The following DEPDC5 variants were observed in gnomAD, a reference collection of about 807,000 sequenced individuals.
DEPDC5 encodes the protein GATOR1 complex protein DEPDC5.
In DEPDC5, 73 loss-of-function variants were observed where a neutral mutation model predicts 217.3. That is an observed-to-expected ratio of 0.34 (90% confidence interval 0.28 to 0.41). The LOEUF (loss-of-function observed/expected upper bound fraction) is 0.41. Among genes scored for constraint, DEPDC5 ranks in the 10% least tolerant of loss-of-function variants. DEPDC5 has a pLI of 1.00. For missense variants in DEPDC5, 1,675 were observed against 2,070.1 expected (o/e 0.81, Z 3.70); for synonymous variants, 733 against 756.7 (o/e 0.97, Z 0.51).
At chr22:31,879,996 C>T in intron 38 of DEPDC5, 1 of 509,780 alleles carries the variant, frequency 2.0e-6, no homozygotes, top group Non-Finnish European at 3.6e-6. Flanking sequence ...AGTGCCAGAC[C>T]TGTTCGGATA....
At chr22:31,841,174 TGAAAG>T (rs2091368995) in intron 27 of DEPDC5, among the ~76,000 whole-genome samples, 1 of 152,216 alleles carries the variant, frequency 6.6e-6, no homozygotes, top group Admixed American at 6.5e-5. Context: ...AGCTGGCAAG[TGAAAG>T]TGCTGGGGTT....
intron 40 of DEPDC5, among the ~76,000 whole-genome samples, chr22:31,899,449 C>T (rs891817905): frequency 3.3e-5 from 5 of 151,840 alleles, no homozygotes; most frequent in South Asian, 2.1e-4. Flanking sequence ...AGTGCAGTGG[C>T]GTGATGTCCT....
chr22:31,830,156 C>T (rs1223758029), intron 24 of DEPDC5, among the ~76,000 whole-genome samples: 1 of 152,182 alleles, frequency 6.6e-6, no homozygotes, highest in Non-Finnish European at 1.5e-5. Flanking sequence ...AAACCACTTG[C>T]CCCAGGCACA....
At chr22:31,877,499 C>A (rs1480190297) in intron 37 of DEPDC5, among the ~76,000 whole-genome samples, 1 of 137,780 alleles carries the variant, frequency 7.3e-6, no homozygotes, top group Non-Finnish European at 1.5e-5. Flanking sequence ...CGCTTGTAAT[C>A]CCAACACTTT....
Position 31,907,397 on chromosome 22 carries a change from GT to G in DEPDC5, c.*908del, listed in dbSNP as rs202197178. On this transcript the variant is annotated 3_prime_UTR_variant, in exon 43 of 43. Coordinates refer to ENST00000651528, the MANE Select transcript of DEPDC5 (RefSeq NM_001242896.3). ...TTTTTTTGTTGTTGTTTTTTTTGTT[GT>G]TTTTTTTGACACAGTTTTCACTCTT... 3 of 151,624 alleles carry G rather than the reference GT, an allele frequency of 2.0e-5. No individual in the cohort carries two copies. The highest frequency in any genetic ancestry group is 4.2e-4 in the South Asian group (2 of 4,778). 9.4% of individuals were successfully genotyped at this position (151,624 alleles called of 1,614,324 possible).
In DEPDC5 at chr22:31,819,102, A is replaced by G. The variant is rs1457695367; in HGVS notation, c.1747A>G (p.Met583Val). The G allele has an allele frequency of 1.2e-6, 2 of 1,614,218 alleles. No individual in the cohort carries two copies. Residue 583 changes from methionine to valine, a missense_variant, in exon 22 of 43, where the codon ATG becomes GTG. By Grantham distance (21) the Met-to-Val change is conservative (BLOSUM62 1). Around this residue, in one of 11 missense-constraint regions of DEPDC5, gnomAD observed 628 missense variants for 762.1 expected, o/e 0.82. Transcript: ENST00000651528. Reference protein sequence around the residue: ...GRFHVGSAESMLHVRPGGYTP... With the variant: ...GRFHVGSAESVLHVRPGGYTP... ...GTTTCACGTTGGCAGTGCAGAATCC[A>G]TGCTGCATGTTCGACCTGGTGGATA... is the stretch of plus-strand genomic sequence containing the variant.
rs1339147777 is a variant in DEPDC5 at position 31,845,161 on chromosome 22, T to C, written c.2945T>C (p.Leu982Pro). The C allele has an allele frequency of 2.5e-6, 4 of 1,614,154 alleles. No individual in the cohort carries two copies. The South Asian group carries it at 4.4e-5, about 18-fold the overall frequency. Reference sequence around the variant, plus strand: ...CGTGCAGACGAGGACGAGTGGCAACTCCTGGATGGTTTTGTCCGCTTTGTG... The same window carrying C: ...CGTGCAGACGAGGACGAGTGGCAACCCCTGGATGGTTTTGTCCGCTTTGTG... ...RPRADEDEWQ[L>P]LDGFVRFVEG... Residue 982 changes from leucine (L) to proline (P), a missense_variant, in exon 30 of 43, where the codon CTC (leucine) becomes CCC (proline). Around this residue, in one of 11 missense-constraint regions of DEPDC5, gnomAD observed 293 missense variants for 386.1 expected, o/e 0.76. Transcript: ENST00000651528.
chr22:31,889,464 G>C (rs2093389671), intron 38 of DEPDC5, among the ~76,000 whole-genome samples: 1 of 150,956 alleles, frequency 6.6e-6, no homozygotes, highest in African/African-American at 2.4e-5. Context: ...GGTATTTATT[G>C]AATATCCTCG....
intron 7 of DEPDC5, among the ~76,000 whole-genome samples, chr22:31,776,547 TTTAC>T (rs1246153589): frequency 6.6e-6 from 1 of 151,728 alleles, no homozygotes; most frequent in Non-Finnish European, 1.5e-5. Flanking sequence ...AAAGCCATGC[TTTAC>T]TTTTTCTACT....
intron 7 of DEPDC5, among the ~76,000 whole-genome samples, chr22:31,777,147 ATGGGG>A: frequency 6.7e-6 from 1 of 148,948 alleles, no homozygotes. Flanking sequence ...TTTAGTAGGG[ATGGGG>A]TTTCGCTGTG....
intron 7 of DEPDC5, among the ~76,000 whole-genome samples, chr22:31,777,300 G>A (rs1204281467): frequency 7.4e-5 from 11 of 148,460 alleles, no homozygotes; most frequent in Admixed American, 3.4e-4. Flanking sequence ...TCGCTCTGTC[G>A]CCCAGGCTGG....
chr22:31,815,080 C>T lies in DEPDC5; in HGVS notation c.1534C>T (p.Pro512Ser), dbSNP rs1260789587. 6.2e-7 allele frequency: 1 copy of T among 1,614,218 alleles called. No homozygotes were observed. Among genetic ancestry groups the T allele is most frequent in the Non-Finnish European group, 8.5e-7 (1 of 1,180,034 alleles). ...SSPSLPSRTL[P>S]TEEVRSQASD... ...CCCTTCCCTACCAAGCCGCACACTG[C>T]CCACTGAGGAAGTGAGGAGCCAGGC... Residue 512 changes from proline (P) to serine (S), a missense_variant, in exon 21 of 43, where the codon CCC (proline) becomes TCC (serine). Transcript: ENST00000651528.
Position 31,879,718 on chromosome 22 carries a change from T to G in DEPDC5, c.3999T>G (p.Ser1333Arg), listed in dbSNP as rs1310040868. The change falls in exon 38 of 43, where the codon AGT becomes AGG. Residue 1333 changes from serine (S) to arginine (R), a missense_variant. Transcript: ENST00000651528. ...GTAGGCACAGCTCCTTTAGCCGAAG[T>G]TTTGGAGGACGGAGCCAGGCGGCAG... ...YASRHSSFSR[S>R]FGGRSQAAAL... 2.5e-6 allele frequency: 4 copies of G among 1,613,940 alleles called. No homozygotes were observed. Among genetic ancestry groups the G allele is most frequent in the Non-Finnish European group, 3.4e-6 (4 of 1,180,022 alleles).
At chr22:31,868,716 C>T (rs557009330) in intron 33 of DEPDC5, among the ~76,000 whole-genome samples, 7 of 152,282 alleles carry the variant, frequency 4.6e-5, no homozygotes, top group African/African-American at 9.6e-5. Context: ...CGTGAGCCAC[C>T]GCACCCAGCT....
intron 2 of DEPDC5, chr22:31,755,498 C>T (rs2075243696): frequency 1.3e-5 from 2 of 152,888 alleles, no homozygotes; most frequent in South Asian, 4.1e-4. Context: ...GGGCAAGCTC[C>T]TAGTGTACCT....
chr22:31,784,351 G>T (rs1039313184), intron 9 of DEPDC5: 3 of 200,000 alleles, frequency 1.5e-5, no homozygotes, highest in African/African-American at 2.4e-5. Context: ...AAAACAGGCC[G>T]GGCACAGCGG....
chr22:31,904,572 G>T (rs932609546), intron 41 of DEPDC5, among the ~76,000 whole-genome samples: 12 of 152,072 alleles, frequency 7.9e-5, no homozygotes, highest in African/African-American at 2.9e-4. Context: ...GTGAAACCCC[G>T]TCTCTACTAA....
Position 31,861,471 on chromosome 22 carries a change from T to C in DEPDC5, c.3330+38T>C, listed in dbSNP as rs562159252. 143 of 1,544,444 alleles carry C rather than the reference T, an allele frequency of 9.3e-5. No homozygotes were observed. The East Asian group carries it at 2.9e-3, about 31-fold the overall frequency. On this transcript the variant is annotated intron_variant, in intron 33 of 42. Coordinates refer to ENST00000651528, the MANE Select transcript of DEPDC5 (RefSeq NM_001242896.3). ...CCAGGGCTTCGCATGCCTGTCCCAC[T>C]GGCAGACGCCATGAGCTGGCCTTCT...
At chr22:31,837,342 T>A in intron 26 of DEPDC5, 187 bp downstream of exon 26, 1 of 639,076 alleles carries the variant, frequency 1.6e-6, no homozygotes, top group Non-Finnish European at 2.5e-6. Context: ...GTATTTTATC[T>A]TTTTTTTTCC....
Sources: allele counts gnomAD v4.1 joint callset (sites outside exome capture counted in the v4.1 genomes callset), GRCh38; gene constraint gnomAD v4.1.1; regional missense constraint gnomAD v4.1.1; transcripts MANE v1.5; gene names NCBI Gene and HGNC (gene_info 2026-07-23, HGNC 2026-07-21).